Variants in SMAP1 observed in about 807,000 individuals in gnomAD.
SMAP1 encodes small ArfGAP 1, also known as stromal membrane-associated protein 1.
In SMAP1, 24 loss-of-function variants were observed where a neutral mutation model predicts 58.5. That is an observed-to-expected ratio of 0.41 (90% CI 0.30 to 0.58). SMAP1 has a LOEUF of 0.58. Among genes scored for constraint, SMAP1 ranks in the 20% least tolerant of loss-of-function variants. SMAP1 has a pLI of 0.29. For missense variants in SMAP1, 563 were observed against 566.3 expected (o/e 0.99, Z 0.06); for synonymous variants, 216 against 196.6 (o/e 1.10, Z -0.82).
At chr6:70,797,511 TA>T (rs1373080667) in intron 5 of SMAP1, among the ~76,000 whole-genome samples, 1 of 152,152 alleles carries the variant, frequency 6.6e-6, no homozygotes, top group Non-Finnish European at 1.5e-5. Context: ...TTTTGCTTTT[TA>T]AAATAGTTTT....
At chr6:70,770,395 A>G (rs4616957) in intron 3 of SMAP1, among the ~76,000 whole-genome samples, 70,091 of 152,080 alleles carry the variant, frequency 0.46, 16,463 homozygotes, top group South Asian at 0.5. Context: ...TCAATCAGAC[A>G]TAGATTTCGT....
At chr6:70,767,432 G>C (rs1767046445) in intron 3 of SMAP1, among the ~76,000 whole-genome samples, 1 of 152,122 alleles carries the variant, frequency 6.6e-6, no homozygotes, top group South Asian at 2.1e-4. Flanking sequence ...TTGAGCAGTG[G>C]TTTGTAGTTC....
intron 3 of SMAP1, among the ~76,000 whole-genome samples, chr6:70,759,616 G>C (rs192030912): frequency 6.6e-6 from 1 of 152,132 alleles, no homozygotes; most frequent in Non-Finnish European, 1.5e-5. Flanking sequence ...ATTTTGTGTA[G>C]GTTGGTAGGA....
chr6:70,820,361 T>C (rs1411428095), intron 6 of SMAP1, among the ~76,000 whole-genome samples: 1 of 152,134 alleles, frequency 6.6e-6, no homozygotes, highest in Non-Finnish European at 1.5e-5. Context: ...ACTCTTTAAT[T>C]TGATTGTGAT....
chr6:70,821,263 GA>G (rs1008517162), intron 6 of SMAP1, among the ~76,000 whole-genome samples: 1 of 152,108 alleles, frequency 6.6e-6, no homozygotes, highest in African/African-American at 2.4e-5. Context: ...TTGCGTCTGT[GA>G]GATTCATTTA....
chr6:70,734,224 C>T (rs1458442179), intron 2 of SMAP1, among the ~76,000 whole-genome samples: 1 of 151,970 alleles, frequency 6.6e-6, no homozygotes, highest in Non-Finnish European at 1.5e-5. Context: ...CTGCTCACTG[C>T]AGCGTTTGTC....
chr6:70,801,946 C>T (rs978254757), intron 6 of SMAP1, among the ~76,000 whole-genome samples: 8 of 152,072 alleles, frequency 5.3e-5, no homozygotes, highest in Non-Finnish European at 8.8e-5. Context: ...AGTCAGGTAG[C>T]GTGATGTCTC....
rs778677881 is a variant in SMAP1 at position 70,835,251 on chromosome 6, CAAA to C, written c.577-1670_577-1668del. On this transcript the variant is annotated intron_variant, in intron 6 of 10. Transcript: ENST00000370455. ...TGGGCTACAGAGCGAGACTCCGTCT[CAAA>C]AAAAAAAAAAAAAAAAAAAGAATTG... Among the ~76,000 whole-genome samples, 5 of 57,940 alleles carry C rather than the reference CAAA, an allele frequency of 8.6e-5. No individual in the cohort carries two copies. In the East Asian group the frequency reaches 2.7e-3, roughly 32 times the overall value. 38.0% of individuals were successfully genotyped at this position (57,940 alleles called of 152,430 possible).
At chr6:70,758,928 T>C (rs1766632456) in intron 3 of SMAP1, among the ~76,000 whole-genome samples, 1 of 152,120 alleles carries the variant, frequency 6.6e-6, no homozygotes, top group Non-Finnish European at 1.5e-5. Flanking sequence ...TTGGGCAGAT[T>C]GATACTTCTG....
At chr6:70,726,092 G>GA (rs1478545781) in intron 1 of SMAP1, among the ~76,000 whole-genome samples, 22 of 152,220 alleles carry the variant, frequency 1.4e-4, no homozygotes, top group African/African-American at 5.3e-4. Context: ...TTTTCTTTAT[G>GA]TTTTGAGCCT....
At chr6:70,746,471 C>T (rs1255014769) in intron 2 of SMAP1, among the ~76,000 whole-genome samples, 2 of 152,112 alleles carry the variant, frequency 1.3e-5, no homozygotes, top group Non-Finnish European at 2.9e-5. Context: ...TGATGGATTA[C>T]GTTTATTGAT....
At chr6:70,846,763 G>A (rs1243650076) in intron 7 of SMAP1, among the ~76,000 whole-genome samples, 1 of 152,194 alleles carries the variant, frequency 6.6e-6, no homozygotes, top group Non-Finnish European at 1.5e-5. Flanking sequence ...CAATGGTCAT[G>A]TAAATCATTG....
rs68188898 is a variant in SMAP1, at chr6:70,858,287, CTTTTTTTT to C, written c.1269+79_1269+86del. ...ATCAAACCAGATTTATTTTCTAAAT[CTTTTTTTT>C]TTTTTTTTTTTTTTTTTTTTAAGTC... On this transcript the variant is annotated intron_variant, in intron 10 of 10. Transcript: ENST00000370455. 230 of 290,694 alleles carry C rather than the reference CTTTTTTTT, an allele frequency of 7.9e-4. 1 individual carries two copies. Among genetic ancestry groups the C allele is most frequent in the African/African-American group, 5.1e-3 (118 of 23,084 alleles). The allele number at this position is 290,694 out of a possible 1,614,324, so 18.0% of individuals were successfully genotyped here.
chr6:70,859,570 A>G, intron 10 of SMAP1: 1 of 477,266 alleles, frequency 2.1e-6, no homozygotes, highest in Non-Finnish European at 3.6e-6. Flanking sequence ...CACTCACTAT[A>G]TGGTAAATCT....
intron 6 of SMAP1, among the ~76,000 whole-genome samples, chr6:70,835,589 C>T (rs1323849359): frequency 1.3e-5 from 2 of 152,190 alleles, no homozygotes; most frequent in African/African-American, 2.4e-5. Flanking sequence ...TCACTGCAGC[C>T]TTGACCTCCT....
intron 1 of SMAP1, among the ~76,000 whole-genome samples, chr6:70,679,041 T>A (rs1759359684): frequency 6.6e-6 from 1 of 151,930 alleles, no homozygotes. Context: ...TTTGTTTTTT[T>A]GAGATGGAGT....
chr6:70,756,595 TC>T, intron 3 of SMAP1, among the ~76,000 whole-genome samples: 1 of 152,108 alleles, frequency 6.6e-6, no homozygotes, highest in Non-Finnish European at 1.5e-5. Flanking sequence ...GGTATTTTGG[TC>T]CAAATTGCGA....
chr6:70,712,856 C>T (rs1768114588), intron 1 of SMAP1, among the ~76,000 whole-genome samples: 1 of 148,814 alleles, frequency 6.7e-6, no homozygotes. Flanking sequence ...TGCAGTGGCA[C>T]AATCATGGTT....
chr6:70,782,522 C>G (rs891600946), intron 4 of SMAP1, among the ~76,000 whole-genome samples: 1 of 152,142 alleles, frequency 6.6e-6, no homozygotes, highest in South Asian at 2.1e-4. Context: ...ACATATGAGG[C>G]CTAGCTTCCC....
Sources: gnomAD v4.1 joint callset for allele counts (sites outside exome capture counted in the v4.1 genomes callset) on GRCh38, gnomAD v4.1.1 for gene constraint, MANE v1.5 for transcripts, NCBI Gene and HGNC (gene_info 2026-07-23, HGNC 2026-07-21) for gene names.